Variants in SGCZ observed in about 807,000 individuals in gnomAD.
The protein encoded by SGCZ is sarcoglycan zeta, also known as zeta-sarcoglycan.
SGCZ carries 40 observed loss-of-function variants against 41.3 expected under a neutral mutation model. The observed-to-expected ratio is 0.97, with a 90% CI of 0.75 to 1.26. The LOEUF (loss-of-function observed/expected upper bound fraction) is 1.26, where lower values mean the gene tolerates loss of function less well. Among genes scored for constraint, SGCZ ranks in the 50% most tolerant of loss-of-function variants. The pLI, the probability that SGCZ is intolerant of heterozygous loss-of-function variation, is 0.00. For missense variants in SGCZ, 552 were observed against 369.8 expected, an observed-to-expected ratio of 1.49 and a Z score of -4.04; for synonymous variants, 206 against 137.5, an observed-to-expected ratio of 1.50 and a Z score of -3.49.
At chr8:14,483,437 G>T (rs958293959) in intron 2 of SGCZ, among the ~76,000 whole-genome samples, 2 of 152,174 alleles carry the variant, frequency 1.3e-5, no homozygotes, top group African/African-American at 4.8e-5. Context: ...TGGGCATGGT[G>T]GTACCTGCCT....
At chr8:15,084,438 A>G (rs903427849) in intron 1 of SGCZ, among the ~76,000 whole-genome samples, 26 of 152,180 alleles carry the variant, frequency 1.7e-4, no homozygotes, top group African/African-American at 5.8e-4. Context: ...AGCTAGCAAT[A>G]TTAGAATACT....
chr8:14,933,161 A>G (rs1018260816), intron 1 of SGCZ, among the ~76,000 whole-genome samples: 8 of 151,984 alleles, frequency 5.3e-5, no homozygotes, highest in Non-Finnish European at 1.0e-4. Flanking sequence ...AACAGCATCA[A>G]TTGTACAGCA....
At chr8:14,946,155 A>G (rs759352556) in intron 1 of SGCZ, among the ~76,000 whole-genome samples, 8 of 149,140 alleles carry the variant, frequency 5.4e-5, no homozygotes, top group Non-Finnish European at 1.2e-4. Flanking sequence ...TACTGAGTCA[A>G]GAGCAAGCAG....
chr8:14,908,523 G>T (rs1020431027), intron 1 of SGCZ, among the ~76,000 whole-genome samples: 4 of 152,088 alleles, frequency 2.6e-5, no homozygotes, highest in African/African-American at 9.7e-5. Context: ...AGCCCCAGGT[G>T]GGAGGATCAC....
chr8:14,108,496 G>C (rs1446148733), intron 5 of SGCZ, among the ~76,000 whole-genome samples: 1 of 152,124 alleles, frequency 6.6e-6, no homozygotes, highest in Admixed American at 6.5e-5. Context: ...ATACATCGCG[G>C]TGGCAAGAGA....
chr8:14,778,316 T>G (rs1047828477), intron 1 of SGCZ, among the ~76,000 whole-genome samples: 5 of 152,162 alleles, frequency 3.3e-5, no homozygotes, highest in African/African-American at 9.7e-5. Flanking sequence ...TATTTCAGAA[T>G]AGGATTTCTC....
intron 1 of SGCZ, among the ~76,000 whole-genome samples, chr8:14,641,684 C>T (rs1373039916): frequency 6.6e-6 from 1 of 151,472 alleles, no homozygotes; most frequent in Non-Finnish European, 1.5e-5. Flanking sequence ...TCTGTTGTTC[C>T]CTGAAGGACA....
intron 1 of SGCZ, among the ~76,000 whole-genome samples, chr8:14,921,249 C>T (rs1025689519): frequency 1.3e-5 from 2 of 152,126 alleles, no homozygotes; most frequent in Admixed American, 6.5e-5. Flanking sequence ...ACATCAATGC[C>T]TCTCCTTCAG....
intron 3 of SGCZ, among the ~76,000 whole-genome samples, chr8:14,258,580 T>G (rs1032936731): frequency 3.3e-5 from 5 of 152,164 alleles, no homozygotes; most frequent in Non-Finnish European, 5.9e-5. Context: ...TGATACTATA[T>G]TAAGTAAAAT....
At chr8:14,588,090 T>A (rs1290091299) in intron 1 of SGCZ, among the ~76,000 whole-genome samples, 1 of 152,068 alleles carries the variant, frequency 6.6e-6, no homozygotes, top group Non-Finnish European at 1.5e-5. Flanking sequence ...TTGCTAGAGA[T>A]CATTAATTCA....
chr8:14,558,662 C>A (rs1804112723), intron 1 of SGCZ, among the ~76,000 whole-genome samples: 1 of 148,468 alleles, frequency 6.7e-6, no homozygotes, highest in Non-Finnish European at 1.5e-5. Context: ...AATACCAAAA[C>A]CAGGAAAGGA....
chr8:14,734,595 T>C (rs566337324), intron 1 of SGCZ, among the ~76,000 whole-genome samples: 111 of 152,222 alleles, frequency 7.3e-4, no homozygotes, highest in African/African-American at 2.6e-3. Flanking sequence ...TGAAGGAATA[T>C]TGAGGAAACA....
intron 2 of SGCZ, among the ~76,000 whole-genome samples, chr8:14,434,925 GACACCAC>G (rs1364458097): frequency 6.6e-6 from 1 of 152,072 alleles, no homozygotes; most frequent in Non-Finnish European, 1.5e-5. Context: ...GTCCTCACCA[GACACCAC>G]ATCTTTTGGG....
chr8:14,439,177 G>C (rs1053878352), intron 2 of SGCZ, among the ~76,000 whole-genome samples: 6 of 151,856 alleles, frequency 4.0e-5, no homozygotes, highest in African/African-American at 1.4e-4. Context: ...TTTGTAGTAA[G>C]AAAATGCATT....
At chr8:15,085,428 A>G (rs1316731638) in intron 1 of SGCZ, among the ~76,000 whole-genome samples, 6 of 152,150 alleles carry the variant, frequency 3.9e-5, no homozygotes, top group Non-Finnish European at 7.3e-5. Flanking sequence ...TCCATTCATC[A>G]GGAAAACAAA....
chr8:14,984,614 T>C (rs1801771646), intron 1 of SGCZ, among the ~76,000 whole-genome samples: 2 of 152,136 alleles, frequency 1.3e-5, no homozygotes, highest in South Asian at 2.1e-4. Flanking sequence ...CCATTGTATA[T>C]CCTGTAACTT....
At chr8:14,329,037 A>G (rs1190950276) in intron 2 of SGCZ, among the ~76,000 whole-genome samples, 1 of 151,664 alleles carries the variant, frequency 6.6e-6, no homozygotes, top group Non-Finnish European at 1.5e-5. Flanking sequence ...CCCAGCCTTC[A>G]AAACTGTAAG....
At chr8:14,170,505 C>G (rs1254102289) in intron 4 of SGCZ, among the ~76,000 whole-genome samples, 1 of 152,000 alleles carries the variant, frequency 6.6e-6, no homozygotes, top group Non-Finnish European at 1.5e-5. Context: ...CATTCCTGGG[C>G]CTGGCCTCTA....
At chr8:14,615,743 A>G (rs1369763108) in intron 1 of SGCZ, among the ~76,000 whole-genome samples, 2 of 152,278 alleles carry the variant, frequency 1.3e-5, no homozygotes, top group South Asian at 2.1e-4. Context: ...TGTTTCAAAT[A>G]TGTTTTATCA....
Sources: gnomAD v4.1 joint callset for allele counts (sites outside exome capture counted in the v4.1 genomes callset) on GRCh38, gnomAD v4.1.1 for gene constraint, MANE v1.5 for transcripts, NCBI Gene and HGNC (gene_info 2026-07-23, HGNC 2026-07-21) for gene names.